NRXN1: variants seen among roughly 807,000 people sequenced by gnomAD.
The protein encoded by NRXN1 is neurexin 1, also known as neurexin-1.
NRXN1 carries 39 observed loss-of-function variants against 150.9 expected under a neutral mutation model. The ratio of observed to expected loss-of-function variants is 0.26; its 90% confidence interval spans 0.20 to 0.34. NRXN1 has a LOEUF of 0.34. Ranked by LOEUF, NRXN1 falls within the 10% of genes least tolerant of loss-of-function variation. NRXN1 has a pLI of 1.00. For missense variants in NRXN1, 1,815 were observed against 1,949.9 expected (o/e 0.93, Z 1.30); for synonymous variants, 924 against 757.0 (o/e 1.22, Z -3.62).
intron 2 of NRXN1, among the ~76,000 whole-genome samples, chr2:51,023,713 C>A (rs890392000): frequency 8.6e-5 from 13 of 152,036 alleles, no homozygotes; most frequent in Non-Finnish European, 1.5e-4. Flanking sequence ...ATTGCTTAAG[C>A]CTAGTACTCT....
intron 13 of NRXN1, among the ~76,000 whole-genome samples, chr2:50,499,087 T>C (rs1426214970): frequency 6.6e-6 from 1 of 152,148 alleles, no homozygotes; most frequent in South Asian, 2.1e-4. Context: ...GACAGTAAAA[T>C]ATTAGACAGT....
chr2:50,321,570 T>G (rs920738858), intron 17 of NRXN1, among the ~76,000 whole-genome samples: 1 of 152,148 alleles, frequency 6.6e-6, no homozygotes, highest in Admixed American at 6.6e-5. Context: ...AATGAACATT[T>G]TTTTTTCCTA....
chr2:50,056,923 T>C (rs908211569), intron 19 of NRXN1, among the ~76,000 whole-genome samples: 1 of 152,154 alleles, frequency 6.6e-6, no homozygotes, highest in African/African-American at 2.4e-5. Context: ...TGGTTCCTCA[T>C]GTTTTTCATG....
chr2:50,082,772 C>T (rs1698152842), intron 19 of NRXN1, among the ~76,000 whole-genome samples: 1 of 152,082 alleles, frequency 6.6e-6, no homozygotes, highest in Non-Finnish European at 1.5e-5. Context: ...CACCTATCCT[C>T]CCCACACAGT....
At chr2:50,568,238 G>C (rs1670158851) in intron 8 of NRXN1, among the ~76,000 whole-genome samples, 1 of 152,086 alleles carries the variant, frequency 6.6e-6, no homozygotes, top group African/African-American at 2.4e-5. Flanking sequence ...ACTAGACAAA[G>C]ATTTCTTGAA....
chr2:50,383,783 AT>A (rs2081133603), intron 17 of NRXN1, among the ~76,000 whole-genome samples: 2 of 152,116 alleles, frequency 1.3e-5, no homozygotes, highest in East Asian at 1.9e-4. Flanking sequence ...TCCCTTACAG[AT>A]TTTTTTTCAG....
intron 5 of NRXN1, among the ~76,000 whole-genome samples, chr2:50,704,179 T>C (rs116268615): frequency 1.3e-5 from 2 of 152,066 alleles, no homozygotes; most frequent in East Asian, 3.8e-4. Flanking sequence ...TAGAATAGTA[T>C]GCATCCTCTT....
At chr2:50,823,516 A>G (rs1670021679) in intron 5 of NRXN1, among the ~76,000 whole-genome samples, 1 of 152,190 alleles carries the variant, frequency 6.6e-6, no homozygotes, top group Non-Finnish European at 1.5e-5. Flanking sequence ...CAACATCAAC[A>G]TTCACATTCC....
At chr2:50,539,153 T>C (rs997251924) in intron 9 of NRXN1, among the ~76,000 whole-genome samples, 2 of 145,548 alleles carry the variant, frequency 1.4e-5, no homozygotes, top group African/African-American at 5.3e-5. Context: ...ATAAACCTAT[T>C]GATTAACTTA....
intron 17 of NRXN1, among the ~76,000 whole-genome samples, chr2:50,430,837 A>G (rs2084909092): frequency 6.6e-6 from 1 of 152,156 alleles, no homozygotes; most frequent in East Asian, 1.9e-4. Flanking sequence ...GATTCTTCTC[A>G]TTTGAAACTC....
At chr2:49,948,816 A>T (rs577695645) in intron 21 of NRXN1, among the ~76,000 whole-genome samples, 14 of 151,876 alleles carry the variant, frequency 9.2e-5, no homozygotes, top group Non-Finnish European at 1.9e-4. Context: ...TTTTTGAGAA[A>T]AGAGACAACC....
rs116729784 is a variant in NRXN1, at chr2:50,383,579, C to G, written c.3364+81863G>C. On this transcript the variant is annotated intron_variant, in intron 17 of 22. Coordinates refer to ENST00000401669, the MANE Select transcript of NRXN1 (RefSeq NM_001330078.2). ...CAAAATATATTTTAAGGATTCCCTT[C>G]AATTGTGCATTGGCCACACCCCCTA... is the stretch of plus-strand genomic sequence containing the variant. Among the ~76,000 whole-genome samples, 462 of 152,242 alleles carry G rather than the reference C, an allele frequency of 3.0e-3. 1 individual carries two copies. Among genetic ancestry groups the G allele is most frequent in the African/African-American group, 0.01 (433 of 41,558 alleles).
chr2:50,398,199 A>G (rs949795449), intron 17 of NRXN1, among the ~76,000 whole-genome samples: 1 of 152,124 alleles, frequency 6.6e-6, no homozygotes, highest in African/African-American at 2.4e-5. Flanking sequence ...AGAACTGTTT[A>G]GCAAATCTGC....
At chr2:50,438,522 T>A (rs117721595) in intron 17 of NRXN1, among the ~76,000 whole-genome samples, 1 of 152,234 alleles carries the variant, frequency 6.6e-6, no homozygotes, top group Non-Finnish European at 1.5e-5. Context: ...TGTCACTTTA[T>A]TGTGTCAACT....
At chr2:50,706,845 T>C (rs943735996) in intron 5 of NRXN1, among the ~76,000 whole-genome samples, 2 of 151,876 alleles carry the variant, frequency 1.3e-5, no homozygotes, top group African/African-American at 4.8e-5. Flanking sequence ...GCAAGGGTCA[T>C]CTGAAACATT....
At chr2:50,161,608 A>G (rs2059369365) in intron 18 of NRXN1, among the ~76,000 whole-genome samples, 1 of 152,150 alleles carries the variant, frequency 6.6e-6, no homozygotes, top group African/African-American at 2.4e-5. Context: ...TTTTGGTGAA[A>G]CTTGTTGCAA....
At chr2:50,833,179 C>A (rs1344436598) in intron 5 of NRXN1, among the ~76,000 whole-genome samples, 1 of 152,102 alleles carries the variant, frequency 6.6e-6, no homozygotes, top group East Asian at 1.9e-4. Context: ...ACTGATAGTA[C>A]CAAGTCCCGA....
At chr2:50,215,351 A>T (rs1245694174) in intron 18 of NRXN1, among the ~76,000 whole-genome samples, 1 of 152,056 alleles carries the variant, frequency 6.6e-6, no homozygotes, top group Non-Finnish European at 1.5e-5. Flanking sequence ...ACTATATGTT[A>T]TGTGTCAGTG....
intron 1 of NRXN1, among the ~76,000 whole-genome samples, chr2:51,031,647 G>A (rs573575592): frequency 1.3e-3 from 196 of 152,186 alleles, no homozygotes; most frequent in African/African-American, 4.5e-3. Flanking sequence ...AATTAACGAT[G>A]GGCACAGTGT....
Sources: gnomAD v4.1 joint callset for allele counts (sites outside exome capture counted in the v4.1 genomes callset) on GRCh38, gnomAD v4.1.1 for gene constraint, MANE v1.5 for transcripts, NCBI Gene and HGNC (gene_info 2026-07-23, HGNC 2026-07-21) for gene names.